The following RNF8 variants were observed in gnomAD, a reference collection of about 807,000 sequenced individuals.
The protein encoded by RNF8 is ring finger protein 8.
RNF8 carries 8 observed loss-of-function variants against 59.3 expected under a neutral mutation model. The ratio of observed to expected loss-of-function variants is 0.13; its 90% CI spans 0.08 to 0.24. RNF8 has a LOEUF of 0.24. Ranked by LOEUF, RNF8 falls within the 10% of genes least tolerant of loss-of-function variation. The pLI is 1.00. For missense variants in RNF8, 406 were observed against 572.6 expected (o/e 0.71, Z 2.97); for synonymous variants, 162 against 200.0 (o/e 0.81, Z 1.60).
Position 37,368,898 on chromosome 6 carries a change from C to G in RNF8, c.655C>G (p.Pro219Ala). 6.2e-7 allele frequency: 1 copy of G among 1,614,166 alleles called. No individual in the cohort carries two copies. Among genetic ancestry groups the G allele is most frequent in the South Asian group, 1.1e-5 (1 of 91,086 alleles). The change falls in exon 3 of 8, where the codon CCC (proline) becomes GCC (alanine). Residue 219 changes from proline to alanine, a missense_variant. Transcript: ENST00000373479. ...TGAGCCAAGTAAGACCACAGGGGCT[C>G]CCATTTACCCTGGCTTCCCCAAAGT... is the stretch of plus-strand genomic sequence containing the variant. ...ALEPSKTTGA[P>A]IYPGFPKVTE...
At chr6:37,362,327 A>G (rs1769357152) in intron 2 of RNF8, among the ~76,000 whole-genome samples, 1 of 152,228 alleles carries the variant, frequency 6.6e-6, no homozygotes, top group Admixed American at 6.5e-5. Flanking sequence ...ATACAGAGGC[A>G]GCCTGTGCAA....
chr6:37,368,567 T>G lies in RNF8; in HGVS notation c.324T>G (p.Leu108=). ...YSIHQGDYIQ[L]GVPLENKENA... is the part of the protein sequence containing the mutation. ...TTCATCAGGGAGACTACATCCAACT[T>G]GGAGTGCCTCTGGAAAATAAGGAGA... Residue 108 remains leucine, a synonymous_variant, in exon 3 of 8, where the codon CTT becomes CTG. Transcript: ENST00000373479. 6.2e-7 allele frequency: 1 copy of G among 1,614,184 alleles called. No homozygotes were observed. The highest frequency in any genetic ancestry group is 8.5e-7 in the Non-Finnish European group (1 of 1,180,026).
chr6:37,365,683 C>CT (rs967849076), intron 2 of RNF8, among the ~76,000 whole-genome samples: 1 of 152,214 alleles, frequency 6.6e-6, no homozygotes, highest in African/African-American at 2.4e-5. Flanking sequence ...AATTATCCCA[C>CT]TTTTTTCCCA....
intron 1 of RNF8, among the ~76,000 whole-genome samples, chr6:37,359,572 CTAAGGTCCTGCGCTTGAATCCA>C (rs1401759322): frequency 6.6e-6 from 1 of 152,174 alleles, no homozygotes; most frequent in Non-Finnish European, 1.5e-5. Flanking sequence ...AGGAATCAAT[CTAAGGTCCTGCGCTTGAATCCA>C]AGGTTTTCCA....
At chr6:37,357,420 C>T (rs974649050) in intron 1 of RNF8, among the ~76,000 whole-genome samples, 156 of 152,332 alleles carry the variant, frequency 1.0e-3, no homozygotes, top group African/African-American at 3.7e-3. Flanking sequence ...CACTCTTCTA[C>T]TGTTTTGGTA....
chr6:37,388,098 T>G (rs1770585326), intron 7 of RNF8, among the ~76,000 whole-genome samples: 1 of 152,128 alleles, frequency 6.6e-6, no homozygotes, highest in Non-Finnish European at 1.5e-5. Context: ...GACGACATGG[T>G]GCTGGGAACA....
intron 7 of RNF8, among the ~76,000 whole-genome samples, 173 bp from the exon 8 acceptor site, chr6:37,390,569 G>C (rs1041811083): frequency 6.6e-6 from 1 of 152,202 alleles, no homozygotes; most frequent in Non-Finnish European, 1.5e-5. Flanking sequence ...CTCACTGTGA[G>C]AGGAATGAGG....
chr6:37,362,414 A>G (rs1769361270), intron 2 of RNF8, among the ~76,000 whole-genome samples: 1 of 152,230 alleles, frequency 6.6e-6, no homozygotes, highest in Non-Finnish European at 1.5e-5. Context: ...TGCTGTTATC[A>G]TATGATTCTT....
chr6:37,387,493 A>G (rs1014704364), intron 7 of RNF8, among the ~76,000 whole-genome samples: 3 of 152,038 alleles, frequency 2.0e-5, no homozygotes, highest in African/African-American at 7.2e-5. Flanking sequence ...GGCGTGCGCC[A>G]CCATGCCTGG....
At chr6:37,385,023 T>A (rs879809319) in intron 7 of RNF8, among the ~76,000 whole-genome samples, 1 of 152,016 alleles carries the variant, frequency 6.6e-6, no homozygotes, top group Non-Finnish European at 1.5e-5. Flanking sequence ...TTAAGATTTT[T>A]TTTTTTTGAG....
At chr6:37,373,266 AGT>A (rs1769883235) in intron 4 of RNF8, among the ~76,000 whole-genome samples, 2 of 152,190 alleles carry the variant, frequency 1.3e-5, no homozygotes, top group African/African-American at 4.8e-5. Context: ...TGCCCTAAGC[AGT>A]CTGCCAGTCT....
intron 2 of RNF8, among the ~76,000 whole-genome samples, chr6:37,366,102 G>A (rs1168475110): frequency 2.0e-5 from 3 of 152,182 alleles, no homozygotes; most frequent in Admixed American, 6.5e-5. Flanking sequence ...GTGAAAGTTT[G>A]CCCCAGCTTC....
intron 6 of RNF8, among the ~76,000 whole-genome samples, chr6:37,377,819 T>A (rs1770084571): frequency 6.6e-6 from 1 of 152,238 alleles, no homozygotes; most frequent in South Asian, 2.1e-4. Flanking sequence ...ACGGCCCAAG[T>A]TGAATATATT....
intron 3 of RNF8, among the ~76,000 whole-genome samples, chr6:37,370,801 T>G (rs747221636): frequency 5.3e-5 from 8 of 152,080 alleles, no homozygotes; most frequent in Non-Finnish European, 1.0e-4. Flanking sequence ...GGAATTTATC[T>G]TGTTGAGGAG....
intron 2 of RNF8, among the ~76,000 whole-genome samples, chr6:37,363,169 T>C (rs368714376): frequency 1.3e-5 from 2 of 152,228 alleles, no homozygotes; most frequent in East Asian, 3.8e-4. Flanking sequence ...AAGTCCCTGT[T>C]GAGTGTACTC....
rs1769666321 is a variant in RNF8 at position 37,368,639 on chromosome 6, A to T, written c.396A>T (p.Ile132=). 6.2e-7 allele frequency: 1 copy of T among 1,614,016 alleles called. No homozygotes were observed. Among genetic ancestry groups the T allele is most frequent in the Non-Finnish European group, 8.5e-7 (1 of 1,179,972 alleles). The change falls in exon 3 of 8, where the codon ATA becomes ATT. Residue 132 remains isoleucine (I), a synonymous_variant. Transcript: ENST00000373479. ...TTACTGAAGAAGACTGGGAGACAATATATCCTTGTCTTTCCCCAAAGAATG... is the reference window on the plus strand; with the variant it reads ...TTACTGAAGAAGACTGGGAGACAATTTATCCTTGTCTTTCCCCAAAGAATG... ...YEVTEEDWET[I]YPCLSPKNDQ...
At chr6:37,356,949 G>C (rs1325737297) in intron 1 of RNF8, among the ~76,000 whole-genome samples, 1 of 152,176 alleles carries the variant, frequency 6.6e-6, no homozygotes, top group Non-Finnish European at 1.5e-5. Context: ...ATGTTGGCCA[G>C]GCTGGTCTCG....
At position 37,371,172 on chromosome 6, in the gene RNF8, T is replaced by C. The variant is rs147536272; in HGVS notation, c.976-340T>C. On this transcript the variant is annotated intron_variant, in intron 3 of 7. Transcript: ENST00000373479. ...CAGCACTGGGAATTACATCTGAGTTTAGGTATTTGGGGGCTCAGAAGTTCT... is the reference window on the plus strand; with the variant it reads ...CAGCACTGGGAATTACATCTGAGTTCAGGTATTTGGGGGCTCAGAAGTTCT... 8.5e-3 allele frequency among the ~76,000 whole-genome samples: 1,295 copies of C among 152,236 alleles called. 10 individuals carry two copies. The highest frequency in any genetic ancestry group is 0.014 in the Non-Finnish European group (952 of 68,020).
Position 37,376,495 on chromosome 6 carries a change from G to A in RNF8, c.1129-431G>A, listed in dbSNP as rs750496180. ...TCTGGTGAGGGCTGTCTTCTGATTC[G>A]TAGATGGAGTCTTGCCATGTCTGTC... On this transcript the variant is annotated intron_variant, in intron 5 of 7. Coordinates refer to ENST00000373479, the MANE Select transcript of RNF8 (RefSeq NM_003958.4). Among the ~76,000 whole-genome samples, 21 of 152,140 alleles carry A rather than the reference G, an allele frequency of 1.4e-4. 1 individual carries two copies. The highest frequency in any genetic ancestry group is 1.0e-4 in the Non-Finnish European group (7 of 68,028).
Sources: allele counts gnomAD v4.1 joint callset (sites outside exome capture counted in the v4.1 genomes callset), GRCh38; gene constraint gnomAD v4.1.1; transcripts MANE v1.5; gene names NCBI Gene and HGNC (gene_info 2026-07-23, HGNC 2026-07-21).